Variants in GALNT13 observed in about 807,000 individuals in gnomAD.
GALNT13 encodes UDP-GalNAc:polypeptide N-acetylgalactosaminyltransferase 13.
GALNT13 carries 28 observed loss-of-function variants against 64.2 expected under a neutral mutation model. The ratio of observed to expected loss-of-function variants is 0.44; its 90% confidence interval spans 0.32 to 0.60. GALNT13 has a LOEUF of 0.60. Ranked by LOEUF, GALNT13 falls within the 20% of genes least tolerant of loss-of-function variation. The pLI is 0.05. For missense variants in GALNT13, 577 were observed against 669.8 expected, an observed-to-expected ratio of 0.86 and a Z score of 1.53; for synonymous variants, 214 against 224.6, an observed-to-expected ratio of 0.95 and a Z score of 0.42.
chr2:153,921,135 A>G (rs1332977644), intron 2 of GALNT13, among the ~76,000 whole-genome samples: 1 of 152,158 alleles, frequency 6.6e-6, no homozygotes, highest in Non-Finnish European at 1.5e-5. Flanking sequence ...TATATATCCA[A>G]AAGAATATAA....
chr2:153,968,782 T>C (rs1471030558), intron 3 of GALNT13, among the ~76,000 whole-genome samples: 9 of 152,218 alleles, frequency 5.9e-5, no homozygotes, highest in Non-Finnish European at 1.3e-4. Flanking sequence ...TAAATATCCT[T>C]GTTTGTAATA....
chr2:154,031,250 A>G (rs920665706), intron 3 of GALNT13, among the ~76,000 whole-genome samples: 2 of 152,088 alleles, frequency 1.3e-5, no homozygotes, highest in African/African-American at 4.8e-5. Flanking sequence ...TAAGTATTAG[A>G]CACATTTTGA....
intron 2 of GALNT13, among the ~76,000 whole-genome samples, chr2:153,920,244 T>C (rs1689661554): frequency 2.0e-5 from 3 of 151,914 alleles, no homozygotes; most frequent in African/African-American, 7.3e-5. Flanking sequence ...ATTCAGAGGC[T>C]ACAGTAATCA....
chr2:153,677,472 T>G, the GALNT13 span, among the ~76,000 whole-genome samples: 2 of 152,010 alleles, frequency 1.3e-5, no homozygotes, highest in Admixed American at 6.6e-5. Context: ...GTTAGAATGG[T>G]CATACTACCC....
the GALNT13 span, among the ~76,000 whole-genome samples, chr2:153,069,424 A>G: frequency 6.6e-6 from 1 of 152,310 alleles, no homozygotes; most frequent in Admixed American, 6.5e-5. Flanking sequence ...AGTACATCCA[A>G]TAACATCAGC....
the GALNT13 span, among the ~76,000 whole-genome samples, chr2:153,495,433 G>C: frequency 6.6e-6 from 1 of 152,064 alleles, no homozygotes; most frequent in Non-Finnish European, 1.5e-5. Flanking sequence ...ATGTATCCAG[G>C]AATACCAGTA....
chr2:153,134,144 C>A, the GALNT13 span, among the ~76,000 whole-genome samples: 3 of 151,680 alleles, frequency 2.0e-5, no homozygotes, highest in Admixed American at 6.6e-5. Context: ...TTCGAAAAGA[C>A]CATAAAGGAC....
At chr2:154,405,982 A>G (rs1349175680) in intron 10 of GALNT13, among the ~76,000 whole-genome samples, 1 of 152,150 alleles carries the variant, frequency 6.6e-6, no homozygotes, top group East Asian at 1.9e-4. Context: ...AAATGGAGTA[A>G]CATTTAAAAG....
the GALNT13 span, among the ~76,000 whole-genome samples, chr2:153,374,217 C>T: frequency 2.1e-4 from 32 of 152,276 alleles, no homozygotes; most frequent in East Asian, 5.4e-3. Flanking sequence ...ACCAGTAGTA[C>T]ACAAGAATTC....
the GALNT13 span, among the ~76,000 whole-genome samples, chr2:153,243,535 A>G: frequency 3.9e-5 from 6 of 152,236 alleles, no homozygotes; most frequent in African/African-American, 1.4e-4. Flanking sequence ...TGTAACATGT[A>G]ATTCAGACTA....
the GALNT13 span, among the ~76,000 whole-genome samples, chr2:153,161,497 GA>G: frequency 1.3e-5 from 2 of 152,146 alleles, no homozygotes; most frequent in Middle Eastern, 3.2e-3. Context: ...AAAGTAAGGG[GA>G]TCAGGAGGGA....
intron 3 of GALNT13, among the ~76,000 whole-genome samples, chr2:153,972,293 C>T (rs1693792637): frequency 6.6e-6 from 1 of 152,014 alleles, no homozygotes; most frequent in East Asian, 1.9e-4. Context: ...CATAGAAATA[C>T]AGGAAGAGTC....
chr2:153,187,368 C>T, the GALNT13 span: 1 of 152,108 alleles, frequency 6.6e-6, no homozygotes, highest in Non-Finnish European at 1.5e-5. Flanking sequence ...AAATGTGGTT[C>T]ATGGAGAATC....
At chr2:153,125,984 A>C in the GALNT13 span, among the ~76,000 whole-genome samples, 1 of 152,072 alleles carries the variant, frequency 6.6e-6, no homozygotes, top group African/African-American at 2.4e-5. Flanking sequence ...ATGAAGTTCG[A>C]ATGAATGCAA....
At chr2:154,299,937 AC>A (rs1693331867) in intron 8 of GALNT13, among the ~76,000 whole-genome samples, 1 of 151,986 alleles carries the variant, frequency 6.6e-6, no homozygotes, top group Non-Finnish European at 1.5e-5. Context: ...AAATGCACAA[AC>A]CATTATTGAT....
the GALNT13 span, among the ~76,000 whole-genome samples, chr2:153,764,106 C>G: frequency 6.6e-6 from 1 of 152,150 alleles, no homozygotes; most frequent in Non-Finnish European, 1.5e-5. Flanking sequence ...TTGTTGGGAA[C>G]TGAAGTAAAG....
At chr2:153,530,743 C>T in the GALNT13 span, among the ~76,000 whole-genome samples, 1 of 152,132 alleles carries the variant, frequency 6.6e-6, no homozygotes, top group Admixed American at 6.5e-5. Flanking sequence ...CACACACCTA[C>T]AGTAAACTTG....
chr2:153,439,243 C>T, the GALNT13 span, among the ~76,000 whole-genome samples: 1 of 152,180 alleles, frequency 6.6e-6, no homozygotes, highest in African/African-American at 2.4e-5. Flanking sequence ...GGGGGTGGCT[C>T]CCAGTTAGGC....
At chr2:153,281,823 C>CA in the GALNT13 span, among the ~76,000 whole-genome samples, 1 of 131,978 alleles carries the variant, frequency 7.6e-6, no homozygotes, top group Admixed American at 7.6e-5. Context: ...GCTTTTAAGG[C>CA]TTTTTTTTTT....
Sources: gnomAD v4.1 joint callset for allele counts (sites outside exome capture counted in the v4.1 genomes callset) on GRCh38, gnomAD v4.1.1 for gene constraint, MANE v1.5 for transcripts, NCBI Gene and HGNC (gene_info 2026-07-23, HGNC 2026-07-21) for gene names.